The following SREK1 variants were observed in gnomAD, a reference collection of about 807,000 sequenced individuals.
SREK1 encodes the protein splicing regulatory glutamine/lysine-rich protein 1.
SREK1 carries 13 observed loss-of-function variants against 66.5 expected under a neutral mutation model. That is an observed-to-expected ratio of 0.20 (90% CI 0.13 to 0.31). The LOEUF (loss-of-function observed/expected upper bound fraction) is 0.31, where lower values mean the gene tolerates loss of function less well. Ranked by LOEUF, SREK1 falls within the 10% of genes least tolerant of loss-of-function variation. The pLI is 1.00. For synonymous variants in SREK1, 265 were observed against 263.5 expected (o/e 1.01, Z -0.05); for missense variants, 607 against 769.6 (o/e 0.79, Z 2.50).
At chr5:66,171,274 T>C (rs1187163053) in intron 9 of SREK1, among the ~76,000 whole-genome samples, 1 of 152,214 alleles carries the variant, frequency 6.6e-6, no homozygotes, top group East Asian at 1.9e-4. Flanking sequence ...TTAGGCTTTT[T>C]CCTGAACTTT....
intron 9 of SREK1, among the ~76,000 whole-genome samples, chr5:66,172,405 T>G (rs1413269205): frequency 1.3e-5 from 2 of 152,192 alleles, no homozygotes; most frequent in Non-Finnish European, 2.9e-5. Context: ...TATATATGTA[T>G]ATATTTTTTG....
intron 2 of SREK1, among the ~76,000 whole-genome samples, chr5:66,155,195 A>G (rs1744179180): frequency 2.0e-5 from 3 of 152,306 alleles, no homozygotes; most frequent in Admixed American, 6.5e-5. Flanking sequence ...TTTACTTGAT[A>G]GAGATGAATA....
intron 7 of SREK1, chr5:66,166,790 T>G (rs946219662): frequency 6.6e-6 from 1 of 152,174 alleles, no homozygotes; most frequent in Non-Finnish European, 1.5e-5. Flanking sequence ...CATACATACA[T>G]ACTTTTGTCA....
At chr5:66,150,927 G>T (rs1743734712) in intron 1 of SREK1, among the ~76,000 whole-genome samples, 1 of 150,702 alleles carries the variant, frequency 6.6e-6, no homozygotes. Flanking sequence ...TGCAAACTCT[G>T]CCTCCCGGGT....
chr5:66,174,615 T>TA (rs1162654870), intron 9 of SREK1: 3 of 175,064 alleles, frequency 1.7e-5, no homozygotes, highest in Admixed American at 6.1e-5. Context: ...GCTGAGAAAA[T>TA]ACACTTGAGA....
chr5:66,148,640 T>G (rs1389604431), intron 1 of SREK1, among the ~76,000 whole-genome samples: 5 of 152,202 alleles, frequency 3.3e-5, no homozygotes, highest in Admixed American at 3.3e-4. Flanking sequence ...TTTATTTAGT[T>G]AAGTAGAGAC....
chr5:66,145,227 C>T, intron 1 of SREK1: 1 of 944,874 alleles, frequency 1.1e-6, no homozygotes, highest in Non-Finnish European at 1.3e-6. Flanking sequence ...ATTTAAAGTC[C>T]AGATCTTGGC....
At chr5:66,144,656 T>A (rs1161218444) in intron 1 of SREK1, 119 bp downstream of exon 1, 6 of 1,418,668 alleles carry the variant, frequency 4.2e-6, no homozygotes, top group African/African-American at 2.9e-5. Context: ...CGCGCCGGCT[T>A]ACCTTGGTGC....
At chr5:66,160,795 A>G (rs973833127) in intron 3 of SREK1, among the ~76,000 whole-genome samples, 3 of 152,230 alleles carry the variant, frequency 2.0e-5, no homozygotes, top group African/African-American at 4.8e-5. Flanking sequence ...ATTTGTATAT[A>G]TAGTCATTAA....
rs1364702509 is a variant in SREK1 at position 66,177,793 on chromosome 5, ATATT to A, written c.1725+138_1725+141del. The A allele has an allele frequency of 9.0e-6, 6 of 669,524 alleles. No homozygotes were observed. In the African/African-American group the frequency reaches 9.5e-5, roughly 11 times the overall value. The allele number at this position is 669,524 out of a possible 1,614,324, so 41.5% of individuals were successfully genotyped here. On this transcript the variant is annotated intron_variant, in intron 11 of 11. Coordinates refer to ENST00000334121, the MANE Select transcript of SREK1 (RefSeq NM_001077199.3). ...TTTATGGCATTTTAAAATATTTAAA[ATATT>A]TAATTGGTAATTTAAAAAAACTAAA...
At chr5:66,172,721 G>A (rs1745739729) in intron 9 of SREK1, among the ~76,000 whole-genome samples, 1 of 151,960 alleles carries the variant, frequency 6.6e-6, no homozygotes, top group Non-Finnish European at 1.5e-5. Context: ...GTAACAACTG[G>A]GGCCTTGAGA....
chr5:66,170,556 T>TA, intron 8 of SREK1, 29 bp from the exon 9 acceptor site: 1 of 1,570,916 alleles, frequency 6.4e-7, no homozygotes, highest in South Asian at 1.2e-5. Flanking sequence ...CTATTTTAGT[T>TA]ATGAATTTAT....
chr5:66,174,135 A>T (rs1000394464), intron 9 of SREK1, among the ~76,000 whole-genome samples: 17 of 148,310 alleles, frequency 1.1e-4, no homozygotes, highest in Non-Finnish European at 7.4e-5. Flanking sequence ...GAGATAGATC[A>T]TTGGGTATGT....
chr5:66,157,656 C>T, intron 2 of SREK1: 5 of 969,626 alleles, frequency 5.2e-6, no homozygotes, highest in Non-Finnish European at 6.1e-6. Flanking sequence ...GTAAGGCCTA[C>T]CTGCCTTTTG....
At chr5:66,147,932 T>C (rs986595697) in intron 1 of SREK1, among the ~76,000 whole-genome samples, 1 of 152,082 alleles carries the variant, frequency 6.6e-6, no homozygotes, top group African/African-American at 2.4e-5. Flanking sequence ...GCATTTTCCA[T>C]ATTGCTGTCT....
At chr5:66,164,101 CT>C in intron 6 of SREK1, 179 bp downstream of exon 6, 1 of 695,914 alleles carries the variant, frequency 1.4e-6, no homozygotes, top group African/African-American at 1.8e-5. Context: ...TATTTTATCT[CT>C]TTCTGTGATA....
Position 66,183,067 on chromosome 5 carries a change from T to C in SREK1, c.*4199T>C, listed in dbSNP as rs925067761. The C allele has an allele frequency of 7.9e-5, 12 of 152,238 alleles. No individual in the cohort carries two copies. Among genetic ancestry groups the C allele is most frequent in the African/African-American group, 2.9e-4 (12 of 41,474 alleles). 9.4% of individuals were successfully genotyped at this position (152,238 alleles called of 1,614,324 possible). ...TATAAAAGGTTTTAAGTCTGTTGCC[T>C]GATTTTTAAATTTATATCTAGTTAA... is the stretch of plus-strand genomic sequence containing the variant. On this transcript the variant is annotated 3_prime_UTR_variant, in exon 12 of 12. Transcript: ENST00000334121.
At position 66,164,302 on chromosome 5, in the gene SREK1, C is replaced by G. The variant is rs143641625; in HGVS notation, c.886+380C>G. ...AATTTTAGAAGTAGAGAAGAGAGCC[C>G]GTGATTTAGAAAAAAATACAGATAC... On this transcript the variant is annotated intron_variant, in intron 6 of 11. Transcript: ENST00000334121. 3.3e-3 allele frequency: 866 copies of G among 263,112 alleles called. 12 individuals are homozygous for G. The highest frequency in any genetic ancestry group is 0.019 in the African/African-American group (825 of 43,768). The allele number at this position is 263,112 out of a possible 1,614,324, so 16.3% of individuals were successfully genotyped here.
intron 6 of SREK1, 177 bp downstream of exon 6, chr5:66,164,099 CTCTT>C (rs1295751782): frequency 1.4e-6 from 1 of 715,896 alleles, no homozygotes; most frequent in Admixed American, 3.4e-5. Flanking sequence ...CATATTTTAT[CTCTT>C]TCTGTGATAC....
Sources: gnomAD v4.1 joint callset for allele counts (sites outside exome capture counted in the v4.1 genomes callset) on GRCh38, gnomAD v4.1.1 for gene constraint, MANE v1.5 for transcripts, NCBI Gene and HGNC (gene_info 2026-07-23, HGNC 2026-07-21) for gene names.